The following CEP44 variants were observed in gnomAD, a reference collection of about 807,000 sequenced individuals.
CEP44 encodes the protein centrosomal protein 44.
CEP44 carries 45 observed loss-of-function variants against 46.7 expected under a neutral mutation model. The ratio of observed to expected loss-of-function variants is 0.96; its 90% CI spans 0.76 to 1.24. CEP44 has a LOEUF of 1.24. Among genes scored for constraint, CEP44 ranks in the 50% most tolerant of loss-of-function variants. The pLI, the probability that CEP44 is intolerant of heterozygous loss-of-function variation, is 0.00. For synonymous variants in CEP44, 142 were observed against 146.0 expected, an observed-to-expected ratio of 0.97 and a Z score of 0.20; for missense variants, 475 against 459.7, an observed-to-expected ratio of 1.03 and a Z score of -0.30.
intron 1 of CEP44, among the ~76,000 whole-genome samples, chr4:174,294,916 C>T (rs1269379540): frequency 1.4e-5 from 2 of 145,704 alleles, no homozygotes; most frequent in Non-Finnish European, 3.1e-5. Context: ...CCTCACTTCC[C>T]GGTAGGGGCG....
rs751890395 is a variant in CEP44, at chr4:174,329,299, TATC to T, written c.1087-2180_1087-2178del. Among the ~76,000 whole-genome samples the T allele has an allele frequency of 2.0e-4, 31 of 151,834 alleles. No homozygotes were observed. The highest frequency in any genetic ancestry group is 2.0e-3 in the Admixed American group (30 of 15,216). On this transcript the variant is annotated intron_variant, in intron 8 of 8. Coordinates refer to the CEP44 transcript ENST00000426172. This position sits in a 1 kb window ranked among gnomAD's most constrained non-coding sequence, Gnocchi z 4.0. ...AGATGATTCAGGATGAATAGGAAAATATCATGGGAAAGCCCTTTGCTCAAACAC... is the reference window on the plus strand; with the variant it reads ...AGATGATTCAGGATGAATAGGAAAATATGGGAAAGCCCTTTGCTCAAACAC...
Position 174,308,700 on chromosome 4 carries a change from G to T in CEP44, c.519G>T (p.Val173=), listed in dbSNP as rs753607384. 6.9e-6 allele frequency: 11 copies of T among 1,603,232 alleles called. No homozygotes were observed. Among genetic ancestry groups the T allele is most frequent in the Non-Finnish European group, 5.1e-6 (6 of 1,172,822 alleles). The change falls in exon 7 of 12, where the codon GTG becomes GTT. Residue 173 remains valine, a synonymous_variant. Transcript: ENST00000503780. ...TTTTCTCTATGCAGAAGAAAGCTGT[G>T]GTGATTCGTCACTTGTATAATGAAG... is the stretch of plus-strand genomic sequence containing the variant. ...RFMTSGKKKA[V]VIRHLYNEDN...
downstream of CEP44, among the ~76,000 whole-genome samples, chr4:174,322,407 A>G (rs1742380522): frequency 6.6e-6 from 1 of 152,036 alleles, no homozygotes; most frequent in Admixed American, 6.6e-5. Flanking sequence ...AATTCTACTC[A>G]TCATAGGGGC....
chr4:174,332,981 T>C (rs1317375815), exon 9 of CEP44: 1 of 152,032 alleles, frequency 6.6e-6, no homozygotes, highest in Non-Finnish European at 1.5e-5. Context: ...ATTTTAAGAG[T>C]TCTTCGGAAT....
Position 174,331,659 on chromosome 4 carries a change from A to C in CEP44, c.*64A>C, listed in dbSNP as rs981726886. On this transcript the variant is annotated 3_prime_UTR_variant, in exon 9 of 9. Transcript: ENST00000426172. This position sits in a 1 kb window ranked among gnomAD's most constrained non-coding sequence, Gnocchi z 4.5. ...GTACTCTGATGTTTCAGTGAAGCTC[A>C]TCCACGAAGTCCAGAATTCTGCCTG... 3.1e-5 allele frequency: 47 copies of C among 1,509,066 alleles called. 1 individual carries two copies. The Admixed American group carries it at 9.2e-4, about 30-fold the overall frequency. The allele number at this position is 1,509,066 out of a possible 1,614,324, so 93.5% of individuals were successfully genotyped here.
intron 9 of CEP44, among the ~76,000 whole-genome samples, chr4:174,313,598 T>A (rs1741342786): frequency 6.6e-6 from 1 of 152,188 alleles, no homozygotes; most frequent in African/African-American, 2.4e-5. Flanking sequence ...AATAGTGATT[T>A]GTTAGGAAAG....
rs1288911223 is a variant in CEP44, at chr4:174,317,613, T to C, written c.*230T>C. ...TTTTTTTTTTTTTAGGAAAAACTCA[T>C]GTTCCAGTATATTTCTCTTACAGAG... On this transcript the variant is annotated 3_prime_UTR_variant, in exon 12 of 12. Coordinates refer to ENST00000503780, the MANE Select transcript of CEP44 (RefSeq NM_001040157.3). The C allele has an allele frequency of 9.3e-7, 1 of 1,080,712 alleles. No individual in the cohort carries two copies. Among genetic ancestry groups the C allele is most frequent in the Non-Finnish European group, 1.1e-6 (1 of 888,364 alleles). 66.9% of individuals were successfully genotyped at this position (1,080,712 alleles called of 1,614,324 possible).
rs192048743 is a variant in CEP44 at position 174,311,629 on chromosome 4, C to T, written c.961+771C>T. Among the ~76,000 whole-genome samples, 34 of 152,180 alleles carry T rather than the reference C, an allele frequency of 2.2e-4. No individual in the cohort carries two copies. Among genetic ancestry groups the T allele is most frequent in the African/African-American group, 7.7e-4 (32 of 41,548 alleles). ...TCTAGCACTAACAGTGTGCCTGGCA[C>T]GATTCTAACTACTATATTAACTCAT... On this transcript the variant is annotated intron_variant, in intron 9 of 11. Coordinates refer to ENST00000503780, the MANE Select transcript of CEP44 (RefSeq NM_001040157.3). The surrounding 1 kb of genome is among the most constrained non-coding windows in gnomAD (Gnocchi z 4.4).
chr4:174,303,729 AC>A lies in CEP44; in HGVS notation c.266del (p.Pro89GlnfsTer3). Reference protein sequence around the residue: ...KLLRDQFNYKPILTKKQFIQC... With the variant: ...KLLRDQFNYKXILTKKQFIQC... ...TTCTTCGTGATCAATTTAATTATAAACCAATTTTGACAAAAAAGCAGTTTAT... is the reference window on the plus strand; with the variant it reads ...TTCTTCGTGATCAATTTAATTATAAACAATTTTGACAAAAAAGCAGTTTAT... On this transcript the variant is annotated frameshift_variant, in exon 5 of 12. Transcript: ENST00000503780. LOFTEE classifies it high-confidence loss of function. The A allele has an allele frequency of 6.5e-7, 1 of 1,544,100 alleles. No homozygotes were observed. The highest frequency in any genetic ancestry group is 1.2e-5 in the South Asian group (1 of 82,680).
chr4:174,325,222 G>T (rs1742586168), downstream of CEP44, among the ~76,000 whole-genome samples: 1 of 152,164 alleles, frequency 6.6e-6, no homozygotes, highest in South Asian at 2.1e-4. The surrounding 1 kb of genome is among the most constrained non-coding windows in gnomAD (Gnocchi z 4.4). Context: ...CTGTTGGGTT[G>T]TAAAGGGCCT....
At chr4:174,305,079 TTC>T (rs1221530929) in intron 6 of CEP44, among the ~76,000 whole-genome samples, 1 of 152,214 alleles carries the variant, frequency 6.6e-6, no homozygotes. Flanking sequence ...TGTGAATACT[TTC>T]TGACTGAAGT....
chr4:174,301,376 C>G lies in CEP44; in HGVS notation c.90-663C>G, dbSNP rs758100875. 2.0e-5 allele frequency among the ~76,000 whole-genome samples: 3 copies of G among 151,936 alleles called. No homozygotes were observed. The highest frequency in any genetic ancestry group is 4.4e-5 in the Non-Finnish European group (3 of 67,962). ...GCCTGGGAGTCTTTCTTGGAGAGATCAGTATAGATCAGAAAGTTGAGGAAA... is the reference window on the plus strand; with the variant it reads ...GCCTGGGAGTCTTTCTTGGAGAGATGAGTATAGATCAGAAAGTTGAGGAAA... On this transcript the variant is annotated intron_variant, in intron 3 of 11. Transcript: ENST00000503780. This position sits in a 1 kb window ranked among gnomAD's most constrained non-coding sequence, Gnocchi z 4.3.
chr4:174,303,672 C>T, intron 4 of CEP44, 31 bp from the exon 5 acceptor site: 1 of 1,418,072 alleles, frequency 7.1e-7, no homozygotes, highest in South Asian at 1.5e-5. Context: ...AAATTGCTCC[C>T]AATTATTACA....
intron 6 of CEP44, among the ~76,000 whole-genome samples, chr4:174,306,916 G>A (rs1348034566): frequency 6.6e-6 from 1 of 152,082 alleles, no homozygotes; most frequent in Non-Finnish European, 1.5e-5. Context: ...GGAGGCAAAA[G>A]ATCTCTACAA....
At chr4:174,295,554 G>C (rs1267933452) in intron 1 of CEP44, among the ~76,000 whole-genome samples, 1 of 151,750 alleles carries the variant, frequency 6.6e-6, no homozygotes, top group Non-Finnish European at 1.5e-5. Flanking sequence ...TGGGCGGCCA[G>C]GCAGAGACGC....
At chr4:174,300,326 G>A (rs148696289) in intron 3 of CEP44, among the ~76,000 whole-genome samples, 147 of 152,218 alleles carry the variant, frequency 9.7e-4, no homozygotes, top group Middle Eastern at 3.4e-3. Context: ...GTGAGAGGCA[G>A]AAGATATGAA....
chr4:174,306,269 C>CT (rs1740387902), intron 6 of CEP44, among the ~76,000 whole-genome samples: 1 of 151,986 alleles, frequency 6.6e-6, no homozygotes, highest in Non-Finnish European at 1.5e-5. Flanking sequence ...GAATTGTTAG[C>CT]TGAAGGTCTA....
In CEP44 at chr4:174,318,803, C is replaced by CTT; in HGVS notation, c.*1422_*1423dup. On this transcript the variant is annotated 3_prime_UTR_variant, in exon 12 of 12. Coordinates refer to ENST00000503780, the MANE Select transcript of CEP44 (RefSeq NM_001040157.3). ...TTTTAAGAAAACATTTTTAGAATTC[C>CTT]TTTGTTTTTTTTTTTTTTCTTTTTG... is the stretch of plus-strand genomic sequence containing the variant. 1.4e-6 allele frequency: 1 copy of CTT among 697,040 alleles called. No homozygotes were observed. Among genetic ancestry groups the CTT allele is most frequent in the Non-Finnish European group, 1.8e-6 (1 of 570,488 alleles). 43.2% of individuals were successfully genotyped at this position (697,040 alleles called of 1,614,324 possible). A position where few individuals can be genotyped will look rare whatever the true frequency, so the allele number is the denominator to read the frequency against.
At position 174,326,389 on chromosome 4, in the gene CEP44, T is replaced by G. The variant is rs1430195636; in HGVS notation, c.1087-5093T>G. Among the ~76,000 whole-genome samples the G allele has an allele frequency of 1.3e-5, 2 of 152,048 alleles. No individual in the cohort carries two copies. Among genetic ancestry groups the G allele is most frequent in the Admixed American group, 6.6e-5 (1 of 15,234 alleles). On this transcript the variant is annotated intron_variant, in intron 8 of 8. Transcript: ENST00000426172. This position sits in a 1 kb window ranked among gnomAD's most constrained non-coding sequence, Gnocchi z 4.8. Reference sequence around the variant, plus strand: ...CAAATATTATACTACTCATTTTAAGTATAACATAAGAGCCTTACGATAATA... The same window carrying G: ...CAAATATTATACTACTCATTTTAAGGATAACATAAGAGCCTTACGATAATA...
Sources: gnomAD v4.1 joint callset for allele counts (sites outside exome capture counted in the v4.1 genomes callset) on GRCh38, gnomAD v4.1.1 for gene constraint, Gnocchi (gnomAD v3.1) non-coding constraint, MANE v1.5 for transcripts, NCBI Gene and HGNC (gene_info 2026-07-23, HGNC 2026-07-21) for gene names.